SWAP70: variants seen among roughly 807,000 people sequenced by gnomAD.
SWAP70 encodes the protein switch-associated protein 70.
In SWAP70, 34 loss-of-function variants were observed where a neutral mutation model predicts 80.2. That is an observed-to-expected ratio of 0.42 (90% CI 0.32 to 0.56). SWAP70 has a LOEUF of 0.56. Among genes scored for constraint, SWAP70 ranks in the 20% least tolerant of loss-of-function variants. SWAP70 has a pLI of 0.09. For synonymous variants in SWAP70, 239 were observed against 238.5 expected (o/e 1.00, Z -0.02); for missense variants, 578 against 690.7 (o/e 0.84, Z 1.83).
Position 9,710,720 on chromosome 11 carries a change from C to A in SWAP70, c.241-2746C>A, listed in dbSNP as rs192581060. On this transcript the variant is annotated intron_variant, in intron 2 of 11. Coordinates refer to ENST00000318950, the MANE Select transcript of SWAP70 (RefSeq NM_015055.4). ...TTTTATTAAGTGTCTTGCCCTGTCT[C>A]CAAGGCTGGAGTGCAGTGGCATGAT... Among the ~76,000 whole-genome samples, 412 of 150,140 alleles carry A rather than the reference C, an allele frequency of 2.7e-3. 1 individual carries two copies. The highest frequency in any genetic ancestry group is 9.5e-3 in the African/African-American group (387 of 40,794).
chr11:9,717,636 G>A (rs1188082261), intron 3 of SWAP70, among the ~76,000 whole-genome samples: 3 of 148,160 alleles, frequency 2.0e-5, no homozygotes, highest in African/African-American at 7.5e-5. Flanking sequence ...TTGTAGCCTG[G>A]GAGATAGAGC....
chr11:9,725,895 A>C (rs114280176), intron 4 of SWAP70, among the ~76,000 whole-genome samples: 49,714 of 151,852 alleles, frequency 0.33, 8,361 homozygotes, highest in Non-Finnish European at 0.35. Context: ...TTATTTTGGA[A>C]ATTCATAACC....
At chr11:9,738,977 A>C (rs1382438153) in intron 8 of SWAP70, among the ~76,000 whole-genome samples, 1 of 152,232 alleles carries the variant, frequency 6.6e-6, no homozygotes, top group Non-Finnish European at 1.5e-5. Flanking sequence ...TATTAATAAC[A>C]TTCCTTTTCA....
chr11:9,715,006 A>G (rs1474026200), intron 3 of SWAP70, among the ~76,000 whole-genome samples: 1 of 116,052 alleles, frequency 8.6e-6, no homozygotes, highest in Non-Finnish European at 1.7e-5. Flanking sequence ...ACGGGGTCTT[A>G]CTCTGTTGCC....
At position 9,734,592 on chromosome 11, in the gene SWAP70, T is replaced by G. The variant is rs539870394; in HGVS notation, c.1080+1882T>G. 6.7e-4 allele frequency among the ~76,000 whole-genome samples: 102 copies of G among 152,334 alleles called. 1 individual carries two copies. The Middle Eastern group carries it at 0.01, about 15-fold the overall frequency. On this transcript the variant is annotated intron_variant, in intron 7 of 11. Coordinates refer to ENST00000318950, the MANE Select transcript of SWAP70 (RefSeq NM_015055.4). ...TTGTCAATAAACACAGTTCTCCAAT[T>G]TTTTCATGGAGGCATTCTTAGAAAA...
intron 1 of SWAP70, among the ~76,000 whole-genome samples, chr11:9,677,249 A>G (rs988531419): frequency 1.3e-5 from 2 of 152,108 alleles, no homozygotes; most frequent in African/African-American, 4.8e-5. Context: ...GGTGCTAACA[A>G]TTTTTTTAAA....
intron 1 of SWAP70, among the ~76,000 whole-genome samples, chr11:9,675,270 G>A (rs1850473545): frequency 1.3e-5 from 2 of 151,636 alleles, no homozygotes; most frequent in African/African-American, 4.8e-5. Flanking sequence ...CTGGGAAACA[G>A]AGTGAGACCC....
At position 9,664,129 on chromosome 11, in the gene SWAP70, C is replaced by CGGAGGGGCTGGCTGGGCA; in HGVS notation, c.-43_-26dup. 6.6e-7 allele frequency: 1 copy of CGGAGGGGCTGGCTGGGCA among 1,508,490 alleles called. No individual in the cohort carries two copies. The highest frequency in any genetic ancestry group is 8.9e-7 in the Non-Finnish European group (1 of 1,125,086). 93.4% of individuals were successfully genotyped at this position (1,508,490 alleles called of 1,614,324 possible). A position where few individuals can be genotyped will look rare whatever the true frequency, so the allele number is the denominator to read the frequency against. Reference sequence around the variant, plus strand: ...CGGAGGTTGAGGGGCGTCCGAGGCGCGGAGGGGCTGGCTGGGCAGGAGGGG... The same window carrying CGGAGGGGCTGGCTGGGCA: ...CGGAGGTTGAGGGGCGTCCGAGGCGCGGAGGGGCTGGCTGGGCAGGAGGGGCTGGCTGGGCAGGAGGGG... On this transcript the variant is annotated 5_prime_UTR_variant, in exon 1 of 12. Coordinates refer to ENST00000318950, the MANE Select transcript of SWAP70 (RefSeq NM_015055.4).
At chr11:9,671,539 GAAATATATAGA>G (rs1173161591) in intron 1 of SWAP70, among the ~76,000 whole-genome samples, 2 of 22,290 alleles carry the variant, frequency 9.0e-5, no homozygotes, top group Admixed American at 2.3e-3. Flanking sequence ...TAAATATATA[GAAATATATAGA>G]AATATATATA....
intron 4 of SWAP70, 64 bp from the exon 5 acceptor site, chr11:9,727,989 G>T: frequency 7.0e-7 from 1 of 1,434,010 alleles, no homozygotes. Context: ...AGTATATCAA[G>T]GAAGAGATGT....
chr11:9,723,649 T>C (rs771392396), intron 3 of SWAP70, among the ~76,000 whole-genome samples: 39 of 152,262 alleles, frequency 2.6e-4, no homozygotes, highest in Non-Finnish European at 4.7e-4. Flanking sequence ...TTTGGACATA[T>C]GTTGAGTTTG....
chr11:9,743,028 T>G (rs1243656008), intron 9 of SWAP70, among the ~76,000 whole-genome samples: 1 of 149,586 alleles, frequency 6.7e-6, no homozygotes, highest in Non-Finnish European at 1.5e-5. Flanking sequence ...TAGGTATATC[T>G]CCTAATGCTA....
At chr11:9,694,121 T>G (rs1850726716) in intron 1 of SWAP70, 25 bp from the exon 2 acceptor site, 1 of 1,577,672 alleles carries the variant, frequency 6.3e-7, no homozygotes, top group Non-Finnish European at 8.6e-7. Context: ...TGGGAGTCTT[T>G]AAACGATTTT....
chr11:9,725,080 A>G (rs1345992497), intron 4 of SWAP70, 195 bp downstream of exon 4: 2 of 537,956 alleles, frequency 3.7e-6, no homozygotes, highest in Non-Finnish European at 6.5e-6. Context: ...GCTTACTGCA[A>G]CCTCCATCTC....
At chr11:9,720,300 G>A in intron 3 of SWAP70, 2 of 985,406 alleles carry the variant, frequency 2.0e-6, no homozygotes, top group Non-Finnish European at 2.4e-6. Flanking sequence ...TCGAAGCTGG[G>A]TGCTAATGAC....
At chr11:9,744,637 G>A (rs1228136120) in intron 9 of SWAP70, among the ~76,000 whole-genome samples, 2 of 152,152 alleles carry the variant, frequency 1.3e-5, no homozygotes, top group Admixed American at 1.3e-4. Context: ...GGCCGGACAT[G>A]GTGGCTCACG....
intron 1 of SWAP70, among the ~76,000 whole-genome samples, chr11:9,673,938 C>T (rs1285822589): frequency 1.3e-5 from 2 of 152,120 alleles, no homozygotes; most frequent in Admixed American, 6.6e-5. Context: ...CCCGCTCTGT[C>T]GCCCAGGCTG....
rs1851576149 is a variant in SWAP70 at position 9,750,629 on chromosome 11, GC to G, written c.*660del. The G allele has an allele frequency of 6.6e-6, 1 of 152,272 alleles. No homozygotes were observed. Among genetic ancestry groups the G allele is most frequent in the Non-Finnish European group, 1.5e-5 (1 of 68,094 alleles). The allele number at this position is 152,272 out of a possible 1,614,324, so 9.4% of individuals were successfully genotyped here. On this transcript the variant is annotated 3_prime_UTR_variant, in exon 12 of 12. Transcript: ENST00000318950. ...AGTCAGCTCTGCAGAGTTTGGAGGG[GC>G]TCACTGCCACTGGGTACTCAGAACC...
At chr11:9,710,068 G>C (rs1010554779) in intron 2 of SWAP70, among the ~76,000 whole-genome samples, 3 of 152,034 alleles carry the variant, frequency 2.0e-5, no homozygotes, top group African/African-American at 7.2e-5. Flanking sequence ...GGAAGAGGCG[G>C]AAGTTGTTGG....
Sources: gnomAD v4.1 joint callset for allele counts (sites outside exome capture counted in the v4.1 genomes callset) on GRCh38, gnomAD v4.1.1 for gene constraint, MANE v1.5 for transcripts, NCBI Gene and HGNC (gene_info 2026-07-23, HGNC 2026-07-21) for gene names.